Variants in AGBL1 observed in about 807,000 individuals in gnomAD.
AGBL1 encodes AGBL carboxypeptidase 1.
In AGBL1, 130 loss-of-function variants were observed where a neutral mutation model predicts 118.9. That is an observed-to-expected ratio of 1.09 (90% confidence interval 0.95 to 1.26). The LOEUF (loss-of-function observed/expected upper bound fraction) is 1.26. Ranked by LOEUF, AGBL1 falls within the 50% of genes most tolerant of loss-of-function variation. AGBL1 has a pLI of 0.00. For missense variants in AGBL1, 1,584 were observed against 1,298.1 expected (o/e 1.22, Z -3.38); for synonymous variants, 555 against 478.9 (o/e 1.16, Z -2.08).
chr15:86,687,674 A>G (rs1203083981), intron 22 of AGBL1, among the ~76,000 whole-genome samples: 1 of 152,212 alleles, frequency 6.6e-6, no homozygotes, highest in Non-Finnish European at 1.5e-5. Context: ...AGTTAGTTCC[A>G]CAAGTTGCTA....
chr15:86,713,442 C>T (rs2086591146), intron 22 of AGBL1, among the ~76,000 whole-genome samples: 2 of 152,236 alleles, frequency 1.3e-5, no homozygotes, highest in African/African-American at 2.4e-5. Flanking sequence ...AAGTGCATTG[C>T]TTTAAACATA....
At chr15:87,012,824 A>G (rs866451593) in intron 24 of AGBL1, among the ~76,000 whole-genome samples, 1 of 152,110 alleles carries the variant, frequency 6.6e-6, no homozygotes, top group African/African-American at 2.4e-5. Flanking sequence ...TGTATGGCTG[A>G]GATATATCCT....
chr15:86,458,033 A>T (rs1385328337), intron 18 of AGBL1, among the ~76,000 whole-genome samples: 1 of 150,720 alleles, frequency 6.6e-6, no homozygotes, highest in Non-Finnish European at 1.5e-5. Flanking sequence ...TGATTTTCCT[A>T]CTTTCCTTTT....
chr15:86,208,720 A>G (rs1405861585), intron 5 of AGBL1, among the ~76,000 whole-genome samples: 1 of 151,384 alleles, frequency 6.6e-6, no homozygotes, highest in African/African-American at 2.4e-5. Context: ...TTTCTTCTTT[A>G]TTAGTCTTGC....
In AGBL1 at chr15:87,018,121, G is replaced by A. The variant is rs188214561; in HGVS notation, c.3324-10704G>A. ...AAACCTCCAAGAAATATGGGATCATGTAAAGACACTGTGCCTACAATGGAT... is the reference window on the plus strand; with the variant it reads ...AAACCTCCAAGAAATATGGGATCATATAAAGACACTGTGCCTACAATGGAT... On this transcript the variant is annotated intron_variant, in intron 24 of 24. Coordinates refer to the AGBL1 transcript ENST00000441037. Among the ~76,000 whole-genome samples the A allele has an allele frequency of 5.7e-3, 763 of 133,082 alleles. 2 individuals are homozygous for A. Among genetic ancestry groups the A allele is most frequent in the Admixed American group, 8.7e-3 (127 of 14,570 alleles). The allele number at this position is 133,082 out of a possible 152,430, so 87.3% of individuals were successfully genotyped here.
chr15:86,410,896 A>AACAT (rs1442990386), intron 18 of AGBL1, among the ~76,000 whole-genome samples: 2 of 118,550 alleles, frequency 1.7e-5, no homozygotes, highest in East Asian at 4.9e-4. Flanking sequence ...TATATTATAT[A>AACAT]ATATTATATA....
chr15:86,889,662 C>T (rs910887926), intron 22 of AGBL1, among the ~76,000 whole-genome samples: 1 of 152,066 alleles, frequency 6.6e-6, no homozygotes, highest in African/African-American at 2.4e-5. Flanking sequence ...TTTTCTGTTC[C>T]TGTATTAGTT....
At position 86,912,885 on chromosome 15, in the gene AGBL1, C is replaced by T. The variant is rs1388558133; in HGVS notation, c.*5591C>T. 6.6e-6 allele frequency: 1 copy of T among 152,176 alleles called. No individual in the cohort carries two copies. Among genetic ancestry groups the T allele is most frequent in the Non-Finnish European group, 1.5e-5 (1 of 68,042 alleles). 9.4% of individuals were successfully genotyped at this position (152,176 alleles called of 1,614,324 possible). On this transcript the variant is annotated 3_prime_UTR_variant, in exon 23 of 23. Transcript: ENST00000614907. Reference sequence around the variant, plus strand: ...AAAGACATGCATAGTAGCCTGGTGCCCACCAGGAGGGCTTTTCTGGGCAAA... The same window carrying T: ...AAAGACATGCATAGTAGCCTGGTGCTCACCAGGAGGGCTTTTCTGGGCAAA...
chr15:86,569,190 G>T (rs906943865), intron 21 of AGBL1, among the ~76,000 whole-genome samples: 121 of 152,106 alleles, frequency 8.0e-4, no homozygotes, highest in African/African-American at 2.8e-3. Flanking sequence ...CCAACAATTT[G>T]GGAGGCTGAG....
intron 6 of AGBL1, among the ~76,000 whole-genome samples, chr15:86,232,415 G>C (rs2078471077): frequency 6.6e-6 from 1 of 152,182 alleles, no homozygotes; most frequent in African/African-American, 2.4e-5. Context: ...TTGTTTATCA[G>C]GAGGTTATTT....
In AGBL1 at chr15:86,529,329, G is replaced by A. The variant is rs1381084747; in HGVS notation, c.2685+6390G>A. Among the ~76,000 whole-genome samples, 14 of 135,618 alleles carry A rather than the reference G, an allele frequency of 1.0e-4. No homozygotes were observed. In the East Asian group the frequency reaches 2.6e-3, roughly 25 times the overall value. 89.0% of individuals were successfully genotyped at this position (135,618 alleles called of 152,430 possible). A position where few individuals can be genotyped will look rare whatever the true frequency, so the allele number is the denominator to read the frequency against. ...GAAGAATGCAGAAGCCTCAGGAGCC[G>A]ATGCGATCAACTGGAAGAAAGGGTA... On this transcript the variant is annotated intron_variant, in intron 19 of 22. Transcript: ENST00000614907.
At chr15:86,545,694 C>T (rs143974641) in intron 19 of AGBL1, among the ~76,000 whole-genome samples, 494 of 152,232 alleles carry the variant, frequency 3.2e-3, no homozygotes, top group Non-Finnish European at 5.8e-3. Context: ...GCCCATTCCT[C>T]CTACCCAGTC....
At chr15:86,500,246 T>C (rs1038531733) in intron 18 of AGBL1, among the ~76,000 whole-genome samples, 9 of 151,662 alleles carry the variant, frequency 5.9e-5, no homozygotes, top group African/African-American at 2.2e-4. Context: ...GTGGAGGGAG[T>C]CTTTATGTGT....
chr15:86,464,152 C>T (rs941657833), intron 18 of AGBL1, among the ~76,000 whole-genome samples: 20 of 152,126 alleles, frequency 1.3e-4, no homozygotes, highest in African/African-American at 2.4e-4. Flanking sequence ...AGACGGTCTT[C>T]GTGTCCCTTG....
At chr15:86,664,414 A>G (rs2447281) in intron 21 of AGBL1, among the ~76,000 whole-genome samples, 135,037 of 152,252 alleles carry the variant, frequency 0.89, 60,081 homozygotes, top group East Asian at 1. Context: ...TCTGTTGGGT[A>G]CATGTCAAGG....
intron 17 of AGBL1, among the ~76,000 whole-genome samples, chr15:86,364,084 A>C (rs756478607): frequency 6.6e-5 from 10 of 152,110 alleles, no homozygotes; most frequent in Non-Finnish European, 8.8e-5. Context: ...ATCTCTATAC[A>C]CAAAGTCTCT....
chr15:86,463,117 T>C (rs1246838836), intron 18 of AGBL1, among the ~76,000 whole-genome samples: 1 of 152,224 alleles, frequency 6.6e-6, no homozygotes, highest in African/African-American at 2.4e-5. Context: ...CCTGACTTTT[T>C]AATGATCGCC....
At chr15:86,225,284 C>A (rs2078344632) in intron 6 of AGBL1, among the ~76,000 whole-genome samples, 1 of 151,946 alleles carries the variant, frequency 6.6e-6, no homozygotes, top group East Asian at 1.9e-4. Flanking sequence ...ACAGAGCCAG[C>A]AGTCCCTAAA....
rs190039466 is a variant in AGBL1, at chr15:86,308,815, T to C, written c.2374+13407T>C. 2.9e-3 allele frequency among the ~76,000 whole-genome samples: 446 copies of C among 152,334 alleles called. 1 individual carries two copies. The highest frequency in any genetic ancestry group is 0.01 in the African/African-American group (428 of 41,578). On this transcript the variant is annotated intron_variant, in intron 17 of 22. Coordinates refer to ENST00000614907, the MANE Select transcript of AGBL1 (RefSeq NM_001386094.1). ...TTATGATAGTACCATGTGGAGTTGG[T>C]TACTACAGCTTTGTAGTATATTTTA...
Sources: allele counts gnomAD v4.1 joint callset (sites outside exome capture counted in the v4.1 genomes callset), GRCh38; gene constraint gnomAD v4.1.1; transcripts MANE v1.5; gene names NCBI Gene and HGNC (gene_info 2026-07-23, HGNC 2026-07-21).